Variants in PRKCE observed in about 807,000 individuals in gnomAD.
PRKCE encodes protein kinase C epsilon type.
A neutral mutation model predicts 85.4 loss-of-function variants in PRKCE; 16 were observed. The ratio of observed to expected loss-of-function variants is 0.19; its 90% CI spans 0.13 to 0.28. PRKCE has a LOEUF of 0.28. Among genes scored for constraint, PRKCE ranks in the 10% least tolerant of loss-of-function variants. The pLI is 1.00. For missense variants in PRKCE, 573 were observed against 975.2 expected, an observed-to-expected ratio of 0.59 and a Z score of 5.49; for synonymous variants, 388 against 371.5, an observed-to-expected ratio of 1.04 and a Z score of -0.51.
intron 11 of PRKCE, among the ~76,000 whole-genome samples, chr2:46,144,708 A>T (rs1478846503): frequency 6.6e-6 from 1 of 152,144 alleles, no homozygotes; most frequent in African/African-American, 2.4e-5. Context: ...CATGCTGGGA[A>T]CCCCAGCTGA....
At chr2:46,117,945 C>T (rs1204910237) in intron 11 of PRKCE, among the ~76,000 whole-genome samples, 3 of 152,142 alleles carry the variant, frequency 2.0e-5, no homozygotes, top group Non-Finnish European at 2.9e-5. Flanking sequence ...ACTAGAAAAA[C>T]ATTTCTAATC....
intron 1 of PRKCE, among the ~76,000 whole-genome samples, chr2:45,684,514 C>A (rs1016639798): frequency 2.6e-5 from 4 of 152,250 alleles, no homozygotes; most frequent in Admixed American, 2.0e-4. Context: ...CTTACCCTCA[C>A]TACATTGAGA....
intron 1 of PRKCE, among the ~76,000 whole-genome samples, chr2:45,684,507 A>G (rs1267766496): frequency 6.6e-6 from 1 of 152,230 alleles, no homozygotes; most frequent in Admixed American, 6.5e-5. Context: ...AATAGCACTT[A>G]CCCTCACTAC....
At chr2:46,043,277 C>A (rs1054692868) in intron 10 of PRKCE, among the ~76,000 whole-genome samples, 7 of 152,148 alleles carry the variant, frequency 4.6e-5, no homozygotes, top group African/African-American at 1.7e-4. Context: ...ACTCTAATTA[C>A]AGCCCCTAAA....
intron 5 of PRKCE, among the ~76,000 whole-genome samples, chr2:45,983,233 C>A (rs1703033581): frequency 6.6e-6 from 1 of 152,198 alleles, no homozygotes; most frequent in Non-Finnish European, 1.5e-5. Context: ...TGTCTTCATG[C>A]TTGCGTTCAA....
At chr2:45,989,965 A>G (rs974792294) in intron 6 of PRKCE, among the ~76,000 whole-genome samples, 2 of 152,196 alleles carry the variant, frequency 1.3e-5, no homozygotes, top group African/African-American at 2.4e-5. Flanking sequence ...ACTTCTAAAA[A>G]TGTCCTCTTT....
chr2:45,808,155 T>G (rs1688386443), intron 1 of PRKCE, among the ~76,000 whole-genome samples: 1 of 152,034 alleles, frequency 6.6e-6, no homozygotes, highest in Non-Finnish European at 1.5e-5. Flanking sequence ...AGTTAACTGG[T>G]CTTTTCCCCC....
chr2:45,797,474 G>T (rs1354668478), intron 1 of PRKCE, among the ~76,000 whole-genome samples: 1 of 152,218 alleles, frequency 6.6e-6, no homozygotes, highest in Non-Finnish European at 1.5e-5. Context: ...GCCTTTTACA[G>T]TGCTGGGGAG....
chr2:46,180,720 AAT>A (rs1679892530), intron 14 of PRKCE, among the ~76,000 whole-genome samples: 1 of 152,192 alleles, frequency 6.6e-6, no homozygotes, highest in Non-Finnish European at 1.5e-5. Context: ...GAAGGAACCT[AAT>A]ATCACATCTC....
intron 1 of PRKCE, among the ~76,000 whole-genome samples, chr2:45,814,997 G>C (rs1293217537): frequency 1.3e-5 from 2 of 152,156 alleles, no homozygotes; most frequent in African/African-American, 2.4e-5. Context: ...CATGTTCCTG[G>C]TTGGAGATGG....
At chr2:45,880,091 AGC>A (rs1694770955) in intron 2 of PRKCE, among the ~76,000 whole-genome samples, 1 of 152,118 alleles carries the variant, frequency 6.6e-6, no homozygotes, top group Non-Finnish European at 1.5e-5. Flanking sequence ...AGCTTCTTTT[AGC>A]TTCCACATGA....
At chr2:46,029,563 C>G (rs1003108221) in intron 10 of PRKCE, among the ~76,000 whole-genome samples, 1 of 152,136 alleles carries the variant, frequency 6.6e-6, no homozygotes, top group African/African-American at 2.4e-5. Context: ...ATCCCTCAGT[C>G]CCAGGGTGAG....
At chr2:45,894,228 T>C (rs1340463292) in intron 2 of PRKCE, among the ~76,000 whole-genome samples, 2 of 152,112 alleles carry the variant, frequency 1.3e-5, no homozygotes, top group East Asian at 3.9e-4. Context: ...AAGCACTCAG[T>C]AGCAGAATCA....
At chr2:45,771,887 T>C (rs1398446077) in intron 1 of PRKCE, among the ~76,000 whole-genome samples, 2 of 152,140 alleles carry the variant, frequency 1.3e-5, no homozygotes, top group Non-Finnish European at 2.9e-5. Flanking sequence ...GAGCTGGATC[T>C]GCATGTGTCA....
intron 1 of PRKCE, among the ~76,000 whole-genome samples, chr2:45,794,845 A>ACCCC (rs33982229): frequency 2.4e-4 from 29 of 122,618 alleles, no homozygotes; most frequent in South Asian, 6.0e-4. Context: ...TTATTGCCCT[A>ACCCC]CCCCCCCCCC....
chr2:46,142,895 T>A (rs542235334), intron 11 of PRKCE, among the ~76,000 whole-genome samples: 46 of 152,350 alleles, frequency 3.0e-4, no homozygotes, highest in Non-Finnish European at 4.9e-4. Context: ...GAAGAAGTCC[T>A]TCCTCAGACA....
Position 45,770,298 on chromosome 2 carries a change from C to A in PRKCE, c.349-72702C>A, listed in dbSNP as rs57438150. ...TAGGGATGCATGGGGTAGGTAAAAA[C>A]CATGCTTCCTCTGTCTGGAAACAAC... On this transcript the variant is annotated intron_variant, in intron 1 of 14. Transcript: ENST00000306156. 5.7e-3 allele frequency among the ~76,000 whole-genome samples: 870 copies of A among 152,254 alleles called. 6 individuals are homozygous for A. Among genetic ancestry groups the A allele is most frequent in the African/African-American group, 0.02 (832 of 41,546 alleles).
rs1002918525 is a variant in PRKCE at position 46,155,713 on chromosome 2, C to T, written c.1921-3893C>T. ...TTCTAAACAGACCAGAAATGGGGTG[C>T]AATCCCTCTCTCCCCATCACAGCTA... is the stretch of plus-strand genomic sequence containing the variant. On this transcript the variant is annotated intron_variant, in intron 13 of 14. Coordinates refer to ENST00000306156, the MANE Select transcript of PRKCE (RefSeq NM_005400.3). This position sits in a 1 kb window ranked among gnomAD's most constrained non-coding sequence, Gnocchi z 4.7. Among the ~76,000 whole-genome samples, 8 of 152,152 alleles carry T rather than the reference C, an allele frequency of 5.3e-5. No homozygotes were observed. The highest frequency in any genetic ancestry group is 3.9e-4 in the East Asian group (2 of 5,190).
rs140186386 is a variant in PRKCE, at chr2:46,100,310, C to G, written c.1592+13948C>G. 2.8e-3 allele frequency among the ~76,000 whole-genome samples: 429 copies of G among 152,274 alleles called. 5 individuals are homozygous for G. The highest frequency in any genetic ancestry group is 0.01 in the African/African-American group (416 of 41,518). ...GTCCTGTGCTCTGCTCTCGGTATGTCAAATCACCGTCTGTGGGTTTTCCTC... is the reference window on the plus strand; with the variant it reads ...GTCCTGTGCTCTGCTCTCGGTATGTGAAATCACCGTCTGTGGGTTTTCCTC... On this transcript the variant is annotated intron_variant, in intron 11 of 14. Transcript: ENST00000306156.
Sources: gnomAD v4.1 joint callset for allele counts (sites outside exome capture counted in the v4.1 genomes callset) on GRCh38, gnomAD v4.1.1 for gene constraint, Gnocchi (gnomAD v3.1) non-coding constraint, MANE v1.5 for transcripts, NCBI Gene and HGNC (gene_info 2026-07-23, HGNC 2026-07-21) for gene names.